ADGRE3: variants seen among roughly 807,000 people sequenced by gnomAD.
ADGRE3 encodes the protein EGF-like module receptor 3.
A neutral mutation model predicts 80.1 loss-of-function variants in ADGRE3; 88 were observed. The observed-to-expected ratio is 1.10, with a 90% CI of 0.93 to 1.31. The LOEUF is 1.31. Among genes scored for constraint, ADGRE3 ranks in the 40% most tolerant of loss-of-function variants. The probability of loss-of-function intolerance (pLI) is 0.00; values close to 1 mark genes in which losing one functional copy is unlikely to be tolerated. For missense variants in ADGRE3, 715 were observed against 776.5 expected, an observed-to-expected ratio of 0.92 and a Z score of 0.94; for synonymous variants, 281 against 294.8, an observed-to-expected ratio of 0.95 and a Z score of 0.48.
chr19:14,668,127 T>A (rs1415458941), intron 2 of ADGRE3, among the ~76,000 whole-genome samples: 1 of 152,082 alleles, frequency 6.6e-6, no homozygotes, highest in African/African-American at 2.4e-5. Flanking sequence ...GGCACGTGTC[T>A]TTAGTCCCAG....
intron 10 of ADGRE3, among the ~76,000 whole-genome samples, chr19:14,639,317 C>T (rs781469736): frequency 6.6e-6 from 1 of 151,880 alleles, no homozygotes; most frequent in Non-Finnish European, 1.5e-5. Flanking sequence ...ACATTGTACC[C>T]CATAATTTTA....
chr19:14,672,939 C>T (rs995707644), intron 1 of ADGRE3, among the ~76,000 whole-genome samples: 2 of 152,112 alleles, frequency 1.3e-5, no homozygotes, highest in African/African-American at 4.8e-5. Context: ...TGACCCAATG[C>T]TCATATCATC....
At chr19:14,665,978 A>ATATATATATATATATATATATATG (rs1568500899) in intron 2 of ADGRE3, among the ~76,000 whole-genome samples, 15 of 128,244 alleles carry the variant, frequency 1.2e-4, no homozygotes, top group African/African-American at 3.8e-4. Context: ...ATATATATAT[A>ATATATATATATATATATATATATG]GTGTTTTCTT....
intron 15 of ADGRE3, among the ~76,000 whole-genome samples, chr19:14,620,522 ATGAATATATATATTTTATATATATAT>A (rs1220741380): frequency 2.1e-4 from 9 of 43,396 alleles, no homozygotes; most frequent in African/African-American, 7.5e-4. Context: ...ATGACTATAT[ATGAATATATATATTTTATATATATAT>A]TATATATATA....
intron 9 of ADGRE3, among the ~76,000 whole-genome samples, chr19:14,642,215 C>A (rs573555195): frequency 2.1e-4 from 32 of 152,222 alleles, no homozygotes; most frequent in Non-Finnish European, 1.5e-4. Context: ...TTACCACAAT[C>A]TTTACAAAGT....
intron 5 of ADGRE3, among the ~76,000 whole-genome samples, chr19:14,657,389 G>A (rs565201736): frequency 6.6e-6 from 1 of 152,192 alleles, no homozygotes; most frequent in African/African-American, 2.4e-5. Context: ...GTCTTTTGCA[G>A]CAGTGCAGCA....
chr19:14,627,725 C>A (rs750901865), intron 14 of ADGRE3, among the ~76,000 whole-genome samples: 1 of 152,116 alleles, frequency 6.6e-6, no homozygotes, highest in Non-Finnish European at 1.5e-5. Context: ...TCCCTGAGCA[C>A]CCCTTAGTAA....
At chr19:14,643,735 G>T (rs1971318759) in intron 9 of ADGRE3, among the ~76,000 whole-genome samples, 1 of 151,260 alleles carries the variant, frequency 6.6e-6, no homozygotes, top group African/African-American at 2.4e-5. Context: ...TTTTGAGATG[G>T]AGTCTTGCTC....
chr19:14,651,179 G>T lies in ADGRE3; in HGVS notation c.603C>A (p.Asp201Glu), dbSNP rs1403364443. 3.7e-6 allele frequency: 6 copies of T among 1,613,906 alleles called. 1 individual carries two copies. The highest frequency in any genetic ancestry group is 3.3e-5 in the South Asian group (3 of 91,088). Residue 201 changes from aspartate to glutamate, a missense_variant, in exon 7 of 16, where the codon GAC becomes GAA. Transcript: ENST00000253673. ...SVAIETQAIT[D>E]NCSEERKTFN... Reference sequence around the variant, plus strand: ...ATGTCTTTCTTTCTTCAGAGCAATTGTCTGTAATCGCTTGAGTTTCAATAG... The same window carrying T: ...ATGTCTTTCTTTCTTCAGAGCAATTTTCTGTAATCGCTTGAGTTTCAATAG...
At position 14,668,481 on chromosome 19, in the gene ADGRE3, G is replaced by A. The variant is rs1972163822; in HGVS notation, c.76+321C>T. 9.3e-6 allele frequency: 4 copies of A among 429,784 alleles called. No homozygotes were observed. In the East Asian group the frequency reaches 1.4e-4, roughly 15 times the overall value. The allele number at this position is 429,784 out of a possible 1,614,324, so 26.6% of individuals were successfully genotyped here. ...ACTTGTTTATAATCAGAATGATAAT[G>A]ATTAGCATTCCTTTGTCTCTCCCCA... On this transcript the variant is annotated intron_variant, in intron 2 of 15. Transcript: ENST00000253673.
At chr19:14,605,885 C>T in the ADGRE3 span, among the ~76,000 whole-genome samples, 4 of 152,000 alleles carry the variant, frequency 2.6e-5, no homozygotes, top group South Asian at 4.1e-4. Flanking sequence ...ACTATAGACA[C>T]GCACCACCAC....
At chr19:14,669,137 A>G (rs1972182993) in intron 1 of ADGRE3, among the ~76,000 whole-genome samples, 1 of 152,170 alleles carries the variant, frequency 6.6e-6, no homozygotes, top group Admixed American at 6.5e-5. Flanking sequence ...CATTATTCAC[A>G]ATAGGCAAGT....
chr19:14,647,571 C>G (rs751720920), intron 7 of ADGRE3, among the ~76,000 whole-genome samples: 3 of 151,718 alleles, frequency 2.0e-5, no homozygotes, highest in Non-Finnish European at 4.4e-5. Flanking sequence ...CACTCACCAC[C>G]ATGCCTGGCT....
chr19:14,600,244 G>A, the ADGRE3 span: 1 of 1,579,130 alleles, frequency 6.3e-7, no homozygotes, highest in African/African-American at 1.3e-5. Flanking sequence ...CTTCCAGGAT[G>A]CACACATCCC....
At position 14,636,130 on chromosome 19, in the gene ADGRE3, CTTT is replaced by C. The variant is rs1568481348; in HGVS notation, c.1484+1972_1484+1974del. Among the ~76,000 whole-genome samples, 41 of 78,474 alleles carry C rather than the reference CTTT, an allele frequency of 5.2e-4. 1 individual carries two copies. The highest frequency in any genetic ancestry group is 1.7e-3 in the African/African-American group (39 of 22,774). The allele number at this position is 78,474 out of a possible 152,430, so 51.5% of individuals were successfully genotyped here. On this transcript the variant is annotated intron_variant, in intron 11 of 15. Coordinates refer to ENST00000253673, the MANE Select transcript of ADGRE3 (RefSeq NM_032571.5). Reference sequence around the variant, plus strand: ...TCTTTCTTTCTTTCTTTCTTTCTTTCTTTCTTTCTTTCTTTCTTTCTTCCTTTC... The same window carrying C: ...TCTTTCTTTCTTTCTTTCTTTCTTTCCTTTCTTTCTTTCTTTCTTCCTTTC...
chr19:14,641,739 G>T, intron 9 of ADGRE3, 123 bp from the exon 10 acceptor site: 1 of 1,181,374 alleles, frequency 8.5e-7, no homozygotes, highest in Non-Finnish European at 1.2e-6. Flanking sequence ...CCGTTAGACT[G>T]CTAATGTAGA....
downstream of ADGRE3, among the ~76,000 whole-genome samples, chr19:14,616,091 C>T (rs1387880173): frequency 2.0e-5 from 3 of 151,856 alleles, no homozygotes; most frequent in Admixed American, 2.0e-4. Flanking sequence ...GCCACCACAC[C>T]CGGCTAATTT....
chr19:14,653,945 GTTTTTT>G (rs1388784134), intron 6 of ADGRE3, among the ~76,000 whole-genome samples: 1 of 52,100 alleles, frequency 1.9e-5, no homozygotes, highest in African/African-American at 7.6e-5. Context: ...CTGTGTGTGT[GTTTTTT>G]TTTTTTTTTT....
chr19:14,646,032 TC>T (rs1235951656), intron 8 of ADGRE3, among the ~76,000 whole-genome samples: 4 of 152,212 alleles, frequency 2.6e-5, no homozygotes, highest in African/African-American at 7.2e-5. Context: ...ACCCACTATA[TC>T]CAACATAGTA....
Sources: allele counts gnomAD v4.1 joint callset (sites outside exome capture counted in the v4.1 genomes callset), GRCh38; gene constraint gnomAD v4.1.1; transcripts MANE v1.5; gene names NCBI Gene and HGNC (gene_info 2026-07-23, HGNC 2026-07-21).